ROBO1: variants seen among roughly 807,000 people sequenced by gnomAD.
ROBO1 encodes roundabout guidance receptor 1.
Under a neutral mutation model 195.9 loss-of-function variants are expected in ROBO1, and 149 were observed. The observed-to-expected ratio is 0.76, with a 90% CI of 0.67 to 0.87. The LOEUF is 0.87. ROBO1 is among the 40% of genes least tolerant of loss of function. The pLI is 0.00. For synonymous variants in ROBO1, 816 were observed against 733.2 expected, an observed-to-expected ratio of 1.11 and a Z score of -1.82; for missense variants, 1,933 against 2,068.3, an observed-to-expected ratio of 0.93 and a Z score of 1.27.
chr3:79,593,790 T>G lies in ROBO1; in HGVS notation c.-50-3829A>C, dbSNP rs1420161173. On this transcript the variant is annotated intron_variant, in intron 1 of 30. Coordinates refer to ENST00000464233, the MANE Select transcript of ROBO1 (RefSeq NM_002941.4). The stretch of plus-strand genomic sequence containing the variant: ...AACGCCTGGCTAATTTTTTAAATAT[T>G]TTTTTTGGTAGAGACAGGATTTTAC... 2.6e-5 allele frequency among the ~76,000 whole-genome samples: 4 copies of G among 151,888 alleles called. No homozygotes were observed. In the East Asian group the frequency reaches 7.8e-4, roughly 30 times the overall value.
intron 1 of ROBO1, among the ~76,000 whole-genome samples, chr3:79,593,836 T>G (rs1944079205): frequency 6.6e-6 from 1 of 151,944 alleles, no homozygotes; most frequent in Admixed American, 6.6e-5. Context: ...AGGCTGATCT[T>G]GAACTCCTGA....
At chr3:79,089,835 C>T (rs2079442164) in intron 3 of ROBO1, among the ~76,000 whole-genome samples, 1 of 152,002 alleles carries the variant, frequency 6.6e-6, no homozygotes, top group African/African-American at 2.4e-5. Context: ...CAATCATCTG[C>T]CTATTTTTCT....
At chr3:78,637,647 A>AT (rs1025539496) in intron 22 of ROBO1, among the ~76,000 whole-genome samples, 4 of 152,200 alleles carry the variant, frequency 2.6e-5, no homozygotes, top group African/African-American at 7.2e-5. Context: ...GGGTATCGCC[A>AT]TTTTTTCTCT....
chr3:78,642,270 C>A (rs917779052), intron 21 of ROBO1, among the ~76,000 whole-genome samples: 4 of 152,106 alleles, frequency 2.6e-5, no homozygotes, highest in Admixed American at 2.6e-4. Flanking sequence ...ACCTTCAATT[C>A]CTACTCTTCT....
intron 1 of ROBO1, among the ~76,000 whole-genome samples, chr3:79,692,041 A>G (rs535947443): frequency 4.6e-5 from 7 of 152,010 alleles, no homozygotes; most frequent in Middle Eastern, 3.4e-3. Context: ...AAAGTCAGAG[A>G]AAACCTTCTG....
intron 2 of ROBO1, among the ~76,000 whole-genome samples, chr3:79,516,820 A>T (rs954968268): frequency 2.6e-5 from 4 of 152,202 alleles, no homozygotes; most frequent in African/African-American, 9.6e-5. Flanking sequence ...ATTTATCTAC[A>T]GGATAGATTT....
At chr3:78,818,658 G>A (rs2030453357) in intron 4 of ROBO1, among the ~76,000 whole-genome samples, 2 of 152,218 alleles carry the variant, frequency 1.3e-5, no homozygotes, top group African/African-American at 4.8e-5. Context: ...CTTGCCTCAA[G>A]CCAAAAGTGC....
At chr3:79,042,142 A>G (rs2078498551) in intron 3 of ROBO1, among the ~76,000 whole-genome samples, 2 of 152,186 alleles carry the variant, frequency 1.3e-5, no homozygotes, top group Admixed American at 1.3e-4. Context: ...TCAGATATAC[A>G]CATACATACA....
chr3:79,033,905 C>T (rs1303374047), intron 3 of ROBO1, among the ~76,000 whole-genome samples: 1 of 152,124 alleles, frequency 6.6e-6, no homozygotes, highest in East Asian at 1.9e-4. Flanking sequence ...CCGGCTCGAC[C>T]TTCTTATTCT....
chr3:79,661,800 A>T (rs1006419184), intron 1 of ROBO1, among the ~76,000 whole-genome samples: 1 of 152,076 alleles, frequency 6.6e-6, no homozygotes, highest in Non-Finnish European at 1.5e-5. Context: ...TTGAAATTTC[A>T]TGTCTTTGAA....
At chr3:78,935,946 A>G (rs2039782235) in intron 4 of ROBO1, among the ~76,000 whole-genome samples, 1 of 152,032 alleles carries the variant, frequency 6.6e-6, no homozygotes, top group South Asian at 2.1e-4. Context: ...TAACTGCATC[A>G]ATACTGTTTT....
chr3:79,106,521 A>G (rs933833660), intron 3 of ROBO1, among the ~76,000 whole-genome samples: 1 of 151,604 alleles, frequency 6.6e-6, no homozygotes, highest in Non-Finnish European at 1.5e-5. Flanking sequence ...CACTTTCCTC[A>G]TGTATTATAT....
chr3:79,586,103 T>G (rs1943821460), intron 2 of ROBO1, among the ~76,000 whole-genome samples: 1 of 151,998 alleles, frequency 6.6e-6, no homozygotes, highest in Non-Finnish European at 1.5e-5. Flanking sequence ...TACTTTCAAT[T>G]TGTTTTCACA....
intron 2 of ROBO1, among the ~76,000 whole-genome samples, chr3:79,171,755 G>T (rs1486010107): frequency 6.6e-6 from 1 of 152,004 alleles, no homozygotes; most frequent in Non-Finnish European, 1.5e-5. Flanking sequence ...CCTTCATAGG[G>T]TGGTTATGGA....
chr3:78,885,374 AT>A (rs1270308020), intron 4 of ROBO1, among the ~76,000 whole-genome samples: 1 of 137,628 alleles, frequency 7.3e-6, no homozygotes, highest in Non-Finnish European at 1.6e-5. Context: ...AAGTTTACCT[AT>A]GTAACAAACC....
intron 2 of ROBO1, among the ~76,000 whole-genome samples, chr3:79,153,613 G>T (rs1159913147): frequency 6.6e-6 from 1 of 151,148 alleles, no homozygotes; most frequent in African/African-American, 2.4e-5. Context: ...AATAGCAAAA[G>T]AAATAATAAT....
intron 8 of ROBO1, among the ~76,000 whole-genome samples, chr3:78,696,655 C>CATATATATACATGTATACATACAT (rs1553705020): frequency 7.6e-5 from 11 of 144,916 alleles, no homozygotes; most frequent in Admixed American, 5.5e-4. Context: ...TATATATACA[C>CATATATATACATGTATACATACAT]ATATATATAC....
intron 1 of ROBO1, among the ~76,000 whole-genome samples, chr3:79,737,828 T>C (rs897137075): frequency 3.3e-5 from 5 of 152,222 alleles, no homozygotes; most frequent in African/African-American, 1.2e-4. Flanking sequence ...AAAGCTGCTT[T>C]AATTATTTCC....
At chr3:78,673,885 C>T (rs1370140028) in intron 10 of ROBO1, among the ~76,000 whole-genome samples, 2 of 151,672 alleles carry the variant, frequency 1.3e-5, no homozygotes, top group Admixed American at 6.6e-5. Flanking sequence ...TAATTGTCAT[C>T]CATTTACAAA....
Sources: gnomAD v4.1 joint callset for allele counts (sites outside exome capture counted in the v4.1 genomes callset) on GRCh38, gnomAD v4.1.1 for gene constraint, MANE v1.5 for transcripts, NCBI Gene and HGNC (gene_info 2026-07-23, HGNC 2026-07-21) for gene names.